CHD7: variants seen among roughly 807,000 people sequenced by gnomAD.
CHD7 encodes ATP-dependent chromatin remodeler CHD7.
A neutral mutation model predicts 307.3 loss-of-function variants in CHD7; 24 were observed. That is an observed-to-expected ratio of 0.08 (90% CI 0.06 to 0.11). The LOEUF is 0.11. Among genes scored for constraint, CHD7 ranks in the 10% least tolerant of loss-of-function variants. The pLI is 1.00. For synonymous variants in CHD7, 1,363 were observed against 1,349.9 expected (o/e 1.01, Z -0.21); for missense variants, 3,106 against 3,727.1 (o/e 0.83, Z 4.34).
intron 2 of CHD7, 80 bp downstream of exon 2, chr8:60,743,177 A>C: frequency 1.6e-6 from 2 of 1,239,970 alleles, no homozygotes; most frequent in African/African-American, 1.5e-5. Context: ...TTTTTCTTTA[A>C]ACTCTATGAA....
intron 2 of CHD7, among the ~76,000 whole-genome samples, chr8:60,765,708 G>A (rs1187736212): frequency 1.3e-5 from 2 of 152,238 alleles, no homozygotes; most frequent in African/African-American, 4.8e-5. Context: ...CAGGAGGGCC[G>A]GGGGCAGCCC....
Position 60,850,524 on chromosome 8 carries a change from C to T in CHD7, c.5436C>T (p.Asp1812=). The change falls in exon 26 of 38, where the codon GAC becomes GAT. Residue 1812 remains aspartate (D), a synonymous_variant. Coordinates refer to ENST00000423902, the MANE Select transcript of CHD7 (RefSeq NM_017780.4). The stretch of plus-strand genomic sequence containing the variant: ...AGAAGTACAACTCCATGCGAGCTGA[C>T]CCCGCGCTGTGCTTTCTGGAACGAG... ...GYEKYNSMRA[D]PALCFLERVG... is the part of the protein sequence containing the mutation. 1 of 1,613,732 alleles carries T rather than the reference C, an allele frequency of 6.2e-7. No individual in the cohort carries two copies. Among genetic ancestry groups the T allele is most frequent in the East Asian group, 2.2e-5 (1 of 44,876 alleles).
At chr8:60,703,949 T>C (rs1806890225) in intron 1 of CHD7, among the ~76,000 whole-genome samples, 1 of 152,166 alleles carries the variant, frequency 6.6e-6, no homozygotes, top group Non-Finnish European at 1.5e-5. Flanking sequence ...GCCCTCTGCT[T>C]GCACCCCCTC....
intron 2 of CHD7, among the ~76,000 whole-genome samples, chr8:60,753,532 G>T (rs1366631108): frequency 6.6e-6 from 1 of 152,140 alleles, no homozygotes; most frequent in Non-Finnish European, 1.5e-5. Context: ...TATCATTGAT[G>T]AAGAAAACAA....
intron 7 of CHD7, among the ~76,000 whole-genome samples, chr8:60,815,162 G>T (rs965632349): frequency 6.6e-6 from 1 of 151,900 alleles, no homozygotes. Flanking sequence ...ATTATAGAAG[G>T]ACTAAATGAG....
intron 15 of CHD7, among the ~76,000 whole-genome samples, chr8:60,831,600 C>T (rs954854764): frequency 2.0e-5 from 3 of 151,598 alleles, no homozygotes; most frequent in African/African-American, 7.3e-5. Flanking sequence ...CAGGGTGATG[C>T]GTCAGGCAAC....
At position 60,742,524 on chromosome 8, in the gene CHD7, G is replaced by A. The variant is rs1430411532; in HGVS notation, c.1092G>A (p.Gln364=). 2 of 1,613,994 alleles carry A rather than the reference G, an allele frequency of 1.2e-6. No individual in the cohort carries two copies. Among genetic ancestry groups the A allele is most frequent in the African/African-American group, 2.7e-5 (2 of 75,026 alleles). ...ACAGTGGTCAAGGACTAATGCACCA[G>A]CAGCCCATCCACCCCAGTGGCTCAC... ...PSNSGQGLMH[Q]QPIHPSGSLN... Residue 364 remains glutamine (Q), a synonymous_variant, in exon 2 of 38, where the codon CAG becomes CAA. Transcript: ENST00000423902.
rs761520772 is a variant in CHD7 at position 60,742,673 on chromosome 8, G to A, written c.1241G>A (p.Arg414Lys). The A allele has an allele frequency of 6.8e-6, 11 of 1,610,900 alleles. No individual in the cohort carries two copies. In the South Asian group the frequency reaches 1.2e-4, roughly 18 times the overall value. ...NPAGTPPPQV[R>K]PGSAGIPMEV... ...GCAGGCACTCCTCCTCCACAAGTCA[G>A]GCCGGGAAGTGCTGGGATACCAATG... Residue 414 changes from arginine to lysine, a missense_variant, in exon 2 of 38, where the codon AGG becomes AAG. Arg to Lys is a conservative substitution (Grantham distance 26, BLOSUM62 2). This residue lies in a region of CHD7 where 998 missense variants were observed against 1,004.5 expected (regional missense o/e 0.99). Coordinates refer to ENST00000423902, the MANE Select transcript of CHD7 (RefSeq NM_017780.4).
At chr8:60,743,172 C>T in intron 2 of CHD7, 75 bp downstream of exon 2, 2 of 1,287,698 alleles carry the variant, frequency 1.6e-6, no homozygotes, top group Non-Finnish European at 2.2e-6. Flanking sequence ...TCGAATTTTT[C>T]TTTAAACTCT....
intron 21 of CHD7, 27 bp downstream of exon 21, chr8:60,842,079 G>A (rs1805001028): frequency 1.3e-6 from 2 of 1,556,124 alleles, no homozygotes; most frequent in Non-Finnish European, 8.7e-7. Context: ...ACGTAAGATA[G>A]AATTTTATTG....
chr8:60,856,451 G>T lies in CHD7; in HGVS notation c.7171G>T (p.Ala2391Ser), dbSNP rs1425669718. ...TGTTGGAATTTTTCAATAGGAAGAT[G>T]CCCTCAACCTCTCTGTCCCTCGCCA... ...TTSPQLSKEDALNLSVPRQRR... is the reference protein window; with the variant it reads ...TTSPQLSKEDSLNLSVPRQRR... The change falls in exon 34 of 38, where the codon GCC becomes TCC. Residue 2391 changes from alanine (A) to serine (S), a missense_variant. Coordinates refer to ENST00000423902, the MANE Select transcript of CHD7 (RefSeq NM_017780.4). 6.2e-7 allele frequency: 1 copy of T among 1,608,628 alleles called. No individual in the cohort carries two copies. The highest frequency in any genetic ancestry group is 1.7e-5 in the Admixed American group (1 of 59,406).
rs1390745365 is a variant in CHD7 at position 60,852,699 on chromosome 8, A to C, written c.6096A>C (p.Pro2032=). 6.2e-7 allele frequency: 1 copy of C among 1,613,992 alleles called. No homozygotes were observed. Among genetic ancestry groups the C allele is most frequent in the African/African-American group, 1.3e-5 (1 of 75,066 alleles). The change falls in exon 30 of 38, where the codon CCA becomes CCC. Residue 2032 remains proline (P), a synonymous_variant. Transcript: ENST00000423902. ...CRRVCRMPVK[P]DDEPPDLSSI... Reference sequence around the variant, plus strand: ...GAGTATGTCGAATGCCCGTCAAGCCAGATGATGGTAGGTACATTTAGCAAC... The same window carrying C: ...GAGTATGTCGAATGCCCGTCAAGCCCGATGATGGTAGGTACATTTAGCAAC...
chr8:60,818,829 C>T (rs1392255955), intron 8 of CHD7, among the ~76,000 whole-genome samples: 1 of 152,188 alleles, frequency 6.6e-6, no homozygotes, highest in Non-Finnish European at 1.5e-5. Flanking sequence ...TTACCTTTTG[C>T]AAAATATTTT....
intron 27 of CHD7, 43 bp from the exon 28 acceptor site, chr8:60,851,219 G>T: frequency 6.5e-7 from 1 of 1,528,546 alleles, no homozygotes; most frequent in Non-Finnish European, 8.9e-7. Context: ...AGAAAAATGA[G>T]ACCCCAAATT....
intron 1 of CHD7, chr8:60,679,726 C>T (rs985541638): frequency 4.7e-5 from 7 of 147,888 alleles, no homozygotes; most frequent in African/African-American, 1.5e-4. Context: ...GCCGCACCGG[C>T]GCGAACAAAG....
chr8:60,749,760 C>T (rs1218412658), intron 2 of CHD7, among the ~76,000 whole-genome samples: 2 of 152,220 alleles, frequency 1.3e-5, no homozygotes, highest in Non-Finnish European at 2.9e-5. Context: ...TTCTCACTTG[C>T]TGTGGCCCAC....
intron 28 of CHD7, 40 bp downstream of exon 28, chr8:60,851,359 C>CA (rs770235140): frequency 1.7e-5 from 24 of 1,443,194 alleles, no homozygotes; most frequent in Non-Finnish European, 2.2e-5. Context: ...AGCAGACGTG[C>CA]ACTGAGCAGT....
rs369593429 is a variant in CHD7 at position 60,865,247 on chromosome 8, G to A, written c.8308G>A (p.Ala2770Thr). Residue 2770 changes from alanine (A) to threonine (T), a missense_variant, in exon 38 of 38, where the codon GCA becomes ACA. Around this residue, in one of 10 missense-constraint regions of CHD7, gnomAD observed 351 missense variants for 366.2 expected, o/e 0.96. Transcript: ENST00000423902. The surrounding 1 kb of genome is among the most constrained non-coding windows in gnomAD (Gnocchi z 4.3). ...NLQNLQSLQL[A>T]GLMGFPPGLA... is the part of the protein sequence containing the mutation. ...CCAGAATCTCCAGTCGCTCCAGCTG[G>A]CAGGCCTCATGGGCTTCCCTCCAGG... 5 of 1,607,196 alleles carry A rather than the reference G, an allele frequency of 3.1e-6. No individual in the cohort carries two copies. The African/African-American group carries it at 5.3e-5, about 17-fold the overall frequency.
chr8:60,801,484 G>T, intron 5 of CHD7, 44 bp from the exon 6 acceptor site: 1 of 1,398,940 alleles, frequency 7.1e-7, no homozygotes, highest in South Asian at 1.2e-5. Flanking sequence ...AGCTTAGGAT[G>T]AGATGTTTTC....
Sources: allele counts gnomAD v4.1 joint callset (sites outside exome capture counted in the v4.1 genomes callset), GRCh38; gene constraint gnomAD v4.1.1; regional missense constraint gnomAD v4.1.1; non-coding constraint Gnocchi (gnomAD v3.1); transcripts MANE v1.5; gene names NCBI Gene and HGNC (gene_info 2026-07-23, HGNC 2026-07-21).